The following JMJD1C variants were observed in gnomAD, a reference collection of about 807,000 sequenced individuals.
The protein encoded by JMJD1C is jumonji domain-containing protein 1C.
In JMJD1C, 31 loss-of-function variants were observed where a neutral mutation model predicts 245.3. That is an observed-to-expected ratio of 0.13 (90% CI 0.09 to 0.17). The LOEUF (loss-of-function observed/expected upper bound fraction) is 0.17, where lower values mean the gene tolerates loss of function less well. JMJD1C is among the 10% of genes least tolerant of loss of function. The pLI is 1.00. For missense variants in JMJD1C, 2,691 were observed against 3,000.2 expected (o/e 0.90, Z 2.41); for synonymous variants, 1,057 against 1,017.4 (o/e 1.04, Z -0.74).
rs184690580 is a variant in JMJD1C at position 63,259,860 on chromosome 10, G to T, written c.447+4791C>A. ...CATACTCTACAATGATAGAACTGTA[G>T]TATTAACAGTCTTATCTCCAAACTT... On this transcript the variant is annotated intron_variant, in intron 3 of 25. Coordinates refer to ENST00000399262, the MANE Select transcript of JMJD1C (RefSeq NM_032776.3). Among the ~76,000 whole-genome samples the T allele has an allele frequency of 2.0e-5, 3 of 152,218 alleles. No individual in the cohort carries two copies. In the South Asian group the frequency reaches 6.2e-4, roughly 32 times the overall value.
intron 3 of JMJD1C, among the ~76,000 whole-genome samples, chr10:63,225,992 C>A (rs993679731): frequency 7.3e-5 from 11 of 151,552 alleles, no homozygotes; most frequent in African/African-American, 2.2e-4. Flanking sequence ...CCCACCCCCC[C>A]CTTCCCTCCA....
At chr10:63,292,487 T>A (rs1461922055) in intron 2 of JMJD1C, among the ~76,000 whole-genome samples, 2 of 151,818 alleles carry the variant, frequency 1.3e-5, no homozygotes, top group African/African-American at 4.8e-5. Flanking sequence ...GTTGCATGCC[T>A]ATAGTCCTAG....
At chr10:63,492,235 A>G (rs1416527506) in intron 1 of JMJD1C, among the ~76,000 whole-genome samples, 3 of 152,174 alleles carry the variant, frequency 2.0e-5, no homozygotes, top group Non-Finnish European at 4.4e-5. Flanking sequence ...GTGTTTCACC[A>G]TGTTGCCCAG....
At chr10:63,187,640 TTG>T (rs1482359079) in intron 18 of JMJD1C, among the ~76,000 whole-genome samples, 1 of 152,182 alleles carries the variant, frequency 6.6e-6, no homozygotes, top group East Asian at 1.9e-4. Context: ...TCTCACTATG[TTG>T]CCCAGGCTGG....
intron 1 of JMJD1C, among the ~76,000 whole-genome samples, chr10:63,457,484 T>C (rs552303726): frequency 2.6e-5 from 4 of 152,198 alleles, no homozygotes; most frequent in South Asian, 2.1e-4. Flanking sequence ...TTATGCAACA[T>C]AGTACAAGTA....
intron 1 of JMJD1C, among the ~76,000 whole-genome samples, chr10:63,431,558 G>C (rs1186206710): frequency 6.6e-6 from 1 of 152,156 alleles, no homozygotes; most frequent in South Asian, 2.1e-4. Context: ...AAATTTTTAA[G>C]GTTCTGGAAG....
At chr10:63,373,438 G>A (rs1408542312) in intron 2 of JMJD1C, among the ~76,000 whole-genome samples, 2 of 152,166 alleles carry the variant, frequency 1.3e-5, no homozygotes, top group Non-Finnish European at 2.9e-5. Flanking sequence ...TGAGACAACA[G>A]GATTTGTTTT....
chr10:63,184,023 GT>G (rs1318529307), intron 21 of JMJD1C, among the ~76,000 whole-genome samples: 1 of 144,868 alleles, frequency 6.9e-6, no homozygotes. Flanking sequence ...CACCTCCCGG[GT>G]TCAAGCAATT....
chr10:63,382,360 C>T lies in JMJD1C; in HGVS notation c.169-1878G>A, dbSNP rs181324324. On this transcript the variant is annotated intron_variant, in intron 1 of 25. Transcript: ENST00000399262. ...TGAGCTTGACTTTATGCTAATAAAA[C>T]ATTACTTACAAAGGTAGTCAATGGT... is the stretch of plus-strand genomic sequence containing the variant. 1.7e-3 allele frequency among the ~76,000 whole-genome samples: 257 copies of T among 152,164 alleles called. 4 individuals are homozygous for T. The highest frequency in any genetic ancestry group is 5.9e-4 in the Non-Finnish European group (40 of 67,992).
chr10:63,455,043 A>G (rs1396905608), intron 1 of JMJD1C, among the ~76,000 whole-genome samples: 1 of 152,238 alleles, frequency 6.6e-6, no homozygotes, highest in Non-Finnish European at 1.5e-5. Flanking sequence ...CCTGGGAGGA[A>G]TAAGACTACG....
intron 1 of JMJD1C, among the ~76,000 whole-genome samples, chr10:63,402,664 TG>T (rs1948937973): frequency 6.6e-6 from 1 of 152,188 alleles, no homozygotes; most frequent in African/African-American, 2.4e-5. Flanking sequence ...GAAGAGTCCC[TG>T]TAACTACAAC....
At chr10:63,362,107 T>C (rs1028964340) in intron 2 of JMJD1C, among the ~76,000 whole-genome samples, 14 of 151,744 alleles carry the variant, frequency 9.2e-5, no homozygotes, top group African/African-American at 3.1e-4. Context: ...TAGTGGCACA[T>C]GTCTGTAATC....
At position 63,465,576 on chromosome 10, in the gene JMJD1C, C is replaced by T. The variant is rs757086361; in HGVS notation, c.87G>A (p.Glu29=). The T allele has an allele frequency of 1.2e-6, 2 of 1,608,950 alleles. No individual in the cohort carries two copies. Reference sequence around the variant, plus strand: ...GCCAGCTTCGCCAGCCGCGTCCGCTCTCCCAGCGCTCCGAACGTGCCTCGT... The same window carrying T: ...GCCAGCTTCGCCAGCCGCGTCCGCTTTCCCAGCGCTCCGAACGTGCCTCGT... ...VGDEARSERW[E]SGRGWRSWRA... Residue 29 remains glutamate, a synonymous_variant, in exon 1 of 26, where the codon GAG becomes GAA. Transcript: ENST00000399262.
chr10:63,211,997 TAA>T (rs1847418998), intron 8 of JMJD1C, among the ~76,000 whole-genome samples: 1 of 151,548 alleles, frequency 6.6e-6, no homozygotes, highest in Non-Finnish European at 1.5e-5. Flanking sequence ...CAGCCTTAAA[TAA>T]GAAGAAGATC....
At chr10:63,291,288 A>T (rs548682238) in intron 2 of JMJD1C, among the ~76,000 whole-genome samples, 214 of 131,038 alleles carry the variant, frequency 1.6e-3, no homozygotes, top group Non-Finnish European at 2.8e-3. Context: ...AGCCTGGGAA[A>T]AAAGAGTGAA....
intron 2 of JMJD1C, among the ~76,000 whole-genome samples, chr10:63,336,219 G>A (rs910233758): frequency 3.3e-5 from 5 of 151,962 alleles, no homozygotes; most frequent in Non-Finnish European, 7.4e-5. Flanking sequence ...CAGCACTTTG[G>A]GAGGCCGAAG....
chr10:63,513,829 C>T (rs1398132819), intron 1 of JMJD1C, among the ~76,000 whole-genome samples: 1 of 152,030 alleles, frequency 6.6e-6, no homozygotes, highest in African/African-American at 2.4e-5. Context: ...AGGAGAATGG[C>T]GTGAACCCGG....
chr10:63,513,408 T>C (rs1343071172), intron 1 of JMJD1C, among the ~76,000 whole-genome samples: 4 of 152,132 alleles, frequency 2.6e-5, no homozygotes, highest in African/African-American at 4.8e-5. Context: ...TGGGAAAGAC[T>C]CTATGACTAA....
At chr10:63,503,971 A>G (rs1358080798) in intron 1 of JMJD1C, among the ~76,000 whole-genome samples, 1 of 152,096 alleles carries the variant, frequency 6.6e-6, no homozygotes, top group Non-Finnish European at 1.5e-5. Context: ...AGTTTTCCCT[A>G]TTCTGCTTCC....
Sources: gnomAD v4.1 joint callset for allele counts (sites outside exome capture counted in the v4.1 genomes callset) on GRCh38, gnomAD v4.1.1 for gene constraint, MANE v1.5 for transcripts, NCBI Gene and HGNC (gene_info 2026-07-23, HGNC 2026-07-21) for gene names.